Variants in RCBTB2 observed in about 807,000 individuals in gnomAD.
RCBTB2 encodes the protein RCC1 and BTB domain containing protein 2.
RCBTB2 carries 55 observed loss-of-function variants against 65.4 expected under a neutral mutation model. The observed-to-expected ratio is 0.84, with a 90% CI of 0.68 to 1.05. The LOEUF is 1.05. Among genes scored for constraint, RCBTB2 ranks in the 50% least tolerant of loss-of-function variants. The pLI is 0.00. For missense variants in RCBTB2, 599 were observed against 680.1 expected (o/e 0.88, Z 1.33); for synonymous variants, 220 against 255.2 (o/e 0.86, Z 1.31).
intron 4 of RCBTB2, among the ~76,000 whole-genome samples, chr13:48,517,347 A>T (rs1227173203): frequency 2.0e-5 from 3 of 152,188 alleles, no homozygotes; most frequent in Non-Finnish European, 4.4e-5. Flanking sequence ...CCAGATTCAC[A>T]GCCCTCCTTT....
chr13:48,514,776 A>T, intron 6 of RCBTB2, among the ~76,000 whole-genome samples: 1 of 152,170 alleles, frequency 6.6e-6, no homozygotes, highest in Non-Finnish European at 1.5e-5. Flanking sequence ...CAGAGCAAGG[A>T]ATTTTTCTAG....
At chr13:48,512,225 T>G in intron 7 of RCBTB2, 51 bp from the exon 8 acceptor site, 1 of 1,509,954 alleles carries the variant, frequency 6.6e-7, no homozygotes, top group Non-Finnish European at 9.1e-7. Context: ...ATAAACTGTC[T>G]CAACTGGACA....
At chr13:48,524,918 C>G (rs1252360764) in intron 1 of RCBTB2, among the ~76,000 whole-genome samples, 161 bp from the exon 2 acceptor site, 1 of 152,018 alleles carries the variant, frequency 6.6e-6, no homozygotes, top group Non-Finnish European at 1.5e-5. Flanking sequence ...CAGAGATGCT[C>G]TATTATAAAA....
At chr13:48,531,693 ACAC>A (rs2138676921) in intron 1 of RCBTB2, among the ~76,000 whole-genome samples, 1 of 152,356 alleles carries the variant, frequency 6.6e-6, no homozygotes, top group Admixed American at 6.5e-5. Context: ...CTGCTTAATA[ACAC>A]GCATGTACTG....
chr13:48,505,367 T>C (rs10076), intron 10 of RCBTB2, among the ~76,000 whole-genome samples: 12,416 of 152,288 alleles, frequency 0.082, 1,300 homozygotes, highest in African/African-American at 0.24. Context: ...TTTCTAGTGA[T>C]CAATTCAAAT....
chr13:48,507,940 T>C (rs1197465035), intron 10 of RCBTB2, among the ~76,000 whole-genome samples: 3 of 152,284 alleles, frequency 2.0e-5, no homozygotes, highest in Non-Finnish European at 4.4e-5. Flanking sequence ...CTTATTTTTA[T>C]GTAAACATAA....
At chr13:48,515,170 T>C (rs1951013778) in intron 6 of RCBTB2, 35 bp downstream of exon 6, 2 of 1,595,054 alleles carry the variant, frequency 1.3e-6, no homozygotes, top group African/African-American at 2.7e-5. Flanking sequence ...CAGCTGCGAA[T>C]AAAGCTGAAA....
chr13:48,515,478 T>C, intron 5 of RCBTB2, 108 bp downstream of exon 5: 1 of 1,374,166 alleles, frequency 7.3e-7, no homozygotes, highest in Non-Finnish European at 9.9e-7. Context: ...AAACCTAATT[T>C]CCATGCTTTT....
At chr13:48,493,162 G>A (rs1949771125) in intron 14 of RCBTB2, among the ~76,000 whole-genome samples, 1 of 150,738 alleles carries the variant, frequency 6.6e-6, no homozygotes, top group Non-Finnish European at 1.5e-5. Flanking sequence ...CCCCACAGGT[G>A]ATAACTTGGA....
At chr13:48,517,427 G>T (rs940879039) in intron 4 of RCBTB2, among the ~76,000 whole-genome samples, 1 of 152,016 alleles carries the variant, frequency 6.6e-6, no homozygotes, top group African/African-American at 2.4e-5. Context: ...CCCTGCTCTC[G>T]GCTCCAAGCT....
chr13:48,510,896 G>T, intron 9 of RCBTB2, 125 bp from the exon 10 acceptor site: 3 of 928,026 alleles, frequency 3.2e-6, no homozygotes, highest in Non-Finnish European at 4.8e-6. Context: ...GGAGAGGCAA[G>T]CATTAAGTTA....
At position 48,508,617 on chromosome 13, in the gene RCBTB2, T is replaced by A. The variant is rs1950621952; in HGVS notation, c.926+2012A>T. On this transcript the variant is annotated intron_variant, in intron 10 of 14. Coordinates refer to ENST00000344532, the MANE Select transcript of RCBTB2 (RefSeq NM_001268.4). ...CAGGGTTTCACCATGTTGGCCAGGC[T>A]GGTCTCAAACTCCTGACCTCAGGTG... Among the ~76,000 whole-genome samples, 3 of 152,308 alleles carry A rather than the reference T, an allele frequency of 2.0e-5. No homozygotes were observed. The South Asian group carries it at 6.2e-4, about 32-fold the overall frequency.
At chr13:48,527,886 A>G (rs1329911422) in intron 1 of RCBTB2, among the ~76,000 whole-genome samples, 2 of 152,216 alleles carry the variant, frequency 1.3e-5, no homozygotes, top group Non-Finnish European at 2.9e-5. Context: ...TAATCCTCAC[A>G]TAAAGTCAAA....
Position 48,497,516 on chromosome 13 carries a change from T to A in RCBTB2, c.1385-1195A>T, listed in dbSNP as rs780653462. Among the ~76,000 whole-genome samples, 4 of 152,230 alleles carry A rather than the reference T, an allele frequency of 2.6e-5. No individual in the cohort carries two copies. The East Asian group carries it at 7.7e-4, about 29-fold the overall frequency. ...TGAATCTTCATTACAGGATTTGTAA[T>A]TAGCATAAAGAATGTCAGAATTAGT... On this transcript the variant is annotated intron_variant, in intron 13 of 14. Transcript: ENST00000344532.
chr13:48,531,358 A>G (rs1018084474), intron 1 of RCBTB2, among the ~76,000 whole-genome samples: 1 of 152,242 alleles, frequency 6.6e-6, no homozygotes, highest in Non-Finnish European at 1.5e-5. Flanking sequence ...GTGGAGATAG[A>G]TTGATCATAC....
At chr13:48,491,269 C>A (rs1949686345) in intron 14 of RCBTB2, among the ~76,000 whole-genome samples, 1 of 152,064 alleles carries the variant, frequency 6.6e-6, no homozygotes, top group African/African-American at 2.4e-5. Flanking sequence ...TGCTGATAGC[C>A]TTGCCAATGT....
At chr13:48,532,736 C>A (rs1952227589) in intron 1 of RCBTB2, 7 of 299,342 alleles carry the variant, frequency 2.3e-5, no homozygotes, top group South Asian at 1.7e-4. Context: ...GCGCACCGGG[C>A]CCACGCCAGC....
intron 1 of RCBTB2, among the ~76,000 whole-genome samples, chr13:48,527,337 G>GATATATAT (rs1174299074): frequency 3.6e-5 from 4 of 112,196 alleles, no homozygotes; most frequent in Non-Finnish European, 6.3e-5. Flanking sequence ...ATATATATAT[G>GATATATAT]ATATATATAT....
In RCBTB2 at chr13:48,499,726, C is replaced by T. The variant is rs1231027223; in HGVS notation, c.1279G>A (p.Glu427Lys). 2.5e-6 allele frequency: 4 copies of T among 1,614,188 alleles called. No individual in the cohort carries two copies. Among genetic ancestry groups the T allele is most frequent in the South Asian group, 2.2e-5 (2 of 91,078 alleles). The change falls in exon 13 of 15, where the codon GAG (glutamate) becomes AAG (lysine). Residue 427 changes from glutamate (E) to lysine (K), a missense_variant. Transcript: ENST00000344532. The part of the protein sequence containing the change: ...EHFRSSLEDN[E>K]DDIVEMSEFS... The stretch of plus-strand genomic sequence containing the variant: ...TCACTCATTTCTACAATATCATCCT[C>T]GTTATCTTCCAATGACGAACGAAAA...
Sources: allele counts gnomAD v4.1 joint callset (sites outside exome capture counted in the v4.1 genomes callset), GRCh38; gene constraint gnomAD v4.1.1; transcripts MANE v1.5; gene names NCBI Gene and HGNC (gene_info 2026-07-23, HGNC 2026-07-21).